Variants in MEGF11 observed in about 807,000 individuals in gnomAD.
MEGF11 encodes multiple EGF like domains 11.
MEGF11 carries 126 observed loss-of-function variants against 146.6 expected under a neutral mutation model. That is an observed-to-expected ratio of 0.86 (90% CI 0.74 to 1.00). The LOEUF (loss-of-function observed/expected upper bound fraction) is 1.00. Among genes scored for constraint, MEGF11 ranks in the 50% least tolerant of loss-of-function variants. MEGF11 has a pLI of 0.00. For missense variants in MEGF11, 1,509 were observed against 1,521.2 expected, an observed-to-expected ratio of 0.99 and a Z score of 0.13; for synonymous variants, 532 against 583.4, an observed-to-expected ratio of 0.91 and a Z score of 1.27.
intron 1 of MEGF11, among the ~76,000 whole-genome samples, chr15:66,135,050 T>G (rs2088828837): frequency 6.6e-6 from 1 of 152,188 alleles, no homozygotes; most frequent in Non-Finnish European, 1.5e-5. Flanking sequence ...CAGGGCTGAG[T>G]GTTTCACGTC....
chr15:65,980,042 A>G (rs1446337408), intron 7 of MEGF11, among the ~76,000 whole-genome samples: 1 of 151,998 alleles, frequency 6.6e-6, no homozygotes, highest in South Asian at 2.1e-4. Context: ...CAGAATCAGA[A>G]TGTGTGTGTG....
At chr15:66,199,631 A>C (rs558377589) in intron 1 of MEGF11, among the ~76,000 whole-genome samples, 83 of 152,266 alleles carry the variant, frequency 5.5e-4, no homozygotes, top group African/African-American at 1.9e-3. Flanking sequence ...TAACAAAAAA[A>C]TTTAAAAATT....
chr15:66,209,974 C>T (rs28585080), intron 1 of MEGF11, among the ~76,000 whole-genome samples: 21,569 of 152,012 alleles, frequency 0.14, 1,784 homozygotes, highest in Non-Finnish European at 0.19. Flanking sequence ...TGTGTACCAC[C>T]ACACCTGGCT....
chr15:65,998,947 C>A (rs2082278555), intron 5 of MEGF11, among the ~76,000 whole-genome samples: 2 of 152,084 alleles, frequency 1.3e-5, no homozygotes, highest in African/African-American at 4.8e-5. Context: ...ATGACCTTCA[C>A]TTGGTAGAAG....
chr15:66,121,826 A>G (rs996912803), intron 3 of MEGF11, among the ~76,000 whole-genome samples: 5 of 152,220 alleles, frequency 3.3e-5, no homozygotes, highest in Non-Finnish European at 7.3e-5. Context: ...CAGAGTTTGG[A>G]ATTTGTGTTT....
chr15:66,180,419 C>A (rs2090515039), intron 1 of MEGF11, among the ~76,000 whole-genome samples: 3 of 152,236 alleles, frequency 2.0e-5, no homozygotes, highest in African/African-American at 7.2e-5. Context: ...CCTCCCCATA[C>A]CCCATCCTGA....
At chr15:66,103,712 G>A (rs2086931146) in intron 4 of MEGF11, among the ~76,000 whole-genome samples, 1 of 152,166 alleles carries the variant, frequency 6.6e-6, no homozygotes, top group Non-Finnish European at 1.5e-5. Flanking sequence ...TTGTGGCACA[G>A]GGGCTGCTAC....
At chr15:66,078,335 C>G (rs1224818686) in intron 5 of MEGF11, among the ~76,000 whole-genome samples, 2 of 152,236 alleles carry the variant, frequency 1.3e-5, no homozygotes, top group Non-Finnish European at 2.9e-5. Flanking sequence ...AGCCCTGCAT[C>G]GTGGCGGAAA....
intron 4 of MEGF11, among the ~76,000 whole-genome samples, chr15:66,101,109 A>G (rs1420941561): frequency 6.6e-6 from 1 of 152,084 alleles, no homozygotes; most frequent in Non-Finnish European, 1.5e-5. Flanking sequence ...TGCTGAAATC[A>G]TAGCCAGTTC....
At chr15:65,991,356 T>A (rs1476427851) in intron 5 of MEGF11, among the ~76,000 whole-genome samples, 2 of 152,168 alleles carry the variant, frequency 1.3e-5, no homozygotes, top group Non-Finnish European at 2.9e-5. Context: ...CCAAAGAGGA[T>A]CTGAGGTAAA....
chr15:65,983,622 T>G (rs2141700016), intron 5 of MEGF11, among the ~76,000 whole-genome samples: 1 of 152,272 alleles, frequency 6.6e-6, no homozygotes, highest in Non-Finnish European at 1.5e-5. Context: ...GATGTCTCAC[T>G]TGTCTGGCTA....
intron 12 of MEGF11, 50 bp from the exon 13 acceptor site, chr15:65,928,577 GT>G: frequency 7.8e-7 from 1 of 1,289,578 alleles, no homozygotes; most frequent in Middle Eastern, 1.9e-4. Context: ...ACCTCCAGAG[GT>G]TTGTGTACTT....
chr15:66,085,952 GAAAT>G (rs1195336208), intron 5 of MEGF11, among the ~76,000 whole-genome samples: 4 of 152,230 alleles, frequency 2.6e-5, no homozygotes, highest in African/African-American at 4.8e-5. Flanking sequence ...AATAGTCAAG[GAAAT>G]AAATAAAGAA....
At chr15:66,146,898 T>A (rs1445046366) in intron 1 of MEGF11, among the ~76,000 whole-genome samples, 1 of 152,154 alleles carries the variant, frequency 6.6e-6, no homozygotes, top group Non-Finnish European at 1.5e-5. Flanking sequence ...TCTTTGCCCA[T>A]CTCCTCTGCC....
chr15:65,965,315 C>T, intron 8 of MEGF11, 195 bp from the exon 9 acceptor site: 3 of 504,986 alleles, frequency 5.9e-6, no homozygotes, highest in Non-Finnish European at 1.0e-5. Context: ...TCATTTCTGC[C>T]TTTCATGCCA....
chr15:66,227,498 C>T (rs898859474), intron 1 of MEGF11, among the ~76,000 whole-genome samples: 1 of 152,152 alleles, frequency 6.6e-6, no homozygotes, highest in Non-Finnish European at 1.5e-5. Context: ...TACAAGATCA[C>T]ACGGCCAAGT....
At position 66,094,466 on chromosome 15, in the gene MEGF11, G is replaced by A; in HGVS notation, c.330C>T (p.Gly110=). The change falls in exon 5 of 26, where the codon GGC becomes GGT. Residue 110 remains glycine, a synonymous_variant. Transcript: ENST00000395614. The part of the protein sequence containing the change: ...IPLCTEECVH[G]RCVSPDTCHC... The stretch of plus-strand genomic sequence containing the variant: ...GGCAGGTGTCCGGGGAAACGCAGCG[G>A]CCGTGCACACACTCCTCCGTACACA... 6.4e-7 allele frequency: 1 copy of A among 1,560,628 alleles called. No individual in the cohort carries two copies. The highest frequency in any genetic ancestry group is 8.7e-7 in the Non-Finnish European group (1 of 1,152,190).
rs537275220 is a variant in MEGF11 at position 66,173,831 on chromosome 15, G to A, written c.-8-45420C>T. Among the ~76,000 whole-genome samples the A allele has an allele frequency of 2.6e-5, 4 of 152,286 alleles. No homozygotes were observed. The South Asian group carries it at 6.2e-4, about 24-fold the overall frequency. On this transcript the variant is annotated intron_variant, in intron 1 of 25. Transcript: ENST00000395614. ...TGCAGGGAAAAGGCCCTGACCACCTGCTTCCTGCAGAGACCACCCTTGGAC... is the reference window on the plus strand; with the variant it reads ...TGCAGGGAAAAGGCCCTGACCACCTACTTCCTGCAGAGACCACCCTTGGAC...
At chr15:65,931,000 G>C in intron 10 of MEGF11, 57 bp from the exon 11 acceptor site, 1 of 1,470,716 alleles carries the variant, frequency 6.8e-7, no homozygotes, top group Non-Finnish European at 9.1e-7. Context: ...GGATGGCTGT[G>C]GTAGGCAGGA....
Sources: gnomAD v4.1 joint callset for allele counts (sites outside exome capture counted in the v4.1 genomes callset) on GRCh38, gnomAD v4.1.1 for gene constraint, MANE v1.5 for transcripts, NCBI Gene and HGNC (gene_info 2026-07-23, HGNC 2026-07-21) for gene names.